MYOM2: variants seen among roughly 807,000 people sequenced by gnomAD.
The protein encoded by MYOM2 is myomesin 2, also known as myomesin-2.
In MYOM2, 254 loss-of-function variants were observed where a neutral mutation model predicts 187.6. The observed-to-expected ratio is 1.35, with a 90% confidence interval of 1.22 to 1.50. MYOM2 has a LOEUF of 1.50. Among genes scored for constraint, MYOM2 ranks in the 40% most tolerant of loss-of-function variants. MYOM2 has a pLI of 0.00. For missense variants in MYOM2, 2,796 were observed against 1,924.0 expected (o/e 1.45, Z -8.48); for synonymous variants, 981 against 753.8 (o/e 1.30, Z -4.94).
At chr8:2,091,358 C>A (rs1796296326) in intron 15 of MYOM2, among the ~76,000 whole-genome samples, 1 of 152,264 alleles carries the variant, frequency 6.6e-6, no homozygotes, top group African/African-American at 2.4e-5. Flanking sequence ...ACTAGAGTTT[C>A]TTGCCCATCT....
At chr8:2,100,065 C>CT (rs376936967) in intron 19 of MYOM2, among the ~76,000 whole-genome samples, 1 of 64,502 alleles carries the variant, frequency 1.6e-5, no homozygotes, top group African/African-American at 4.4e-5. Flanking sequence ...TCCTTCCTTC[C>CT]TTCTTTCCTT....
chr8:2,127,427 C>T (rs1484587799), intron 31 of MYOM2, among the ~76,000 whole-genome samples: 3 of 152,228 alleles, frequency 2.0e-5, no homozygotes, highest in Non-Finnish European at 4.4e-5. Context: ...TTCCCTAGAC[C>T]TCATGCCCCT....
intron 6 of MYOM2, among the ~76,000 whole-genome samples, chr8:2,064,596 G>T (rs1007594386): frequency 2.0e-5 from 3 of 152,362 alleles, no homozygotes; most frequent in African/African-American, 7.2e-5. Flanking sequence ...TCCTGCCTCT[G>T]AGCACCAAGT....
chr8:2,103,752 T>G (rs931141973), intron 21 of MYOM2, among the ~76,000 whole-genome samples: 1 of 151,088 alleles, frequency 6.6e-6, no homozygotes, highest in Admixed American at 6.6e-5. Context: ...TATGGATAAA[T>G]GAGTGGGAGA....
intron 18 of MYOM2, chr8:2,097,229 T>C (rs1796526154): frequency 2.2e-6 from 1 of 444,970 alleles, no homozygotes; most frequent in Non-Finnish European, 3.0e-6. Flanking sequence ...GTTAATATTT[T>C]ATACACATAT....
chr8:2,122,385 A>G (rs753411162), intron 28 of MYOM2, among the ~76,000 whole-genome samples: 2 of 152,184 alleles, frequency 1.3e-5, no homozygotes, highest in African/African-American at 2.4e-5. Flanking sequence ...GCACTTGGGG[A>G]CAAGTGTTAG....
intron 19 of MYOM2, among the ~76,000 whole-genome samples, chr8:2,099,627 C>T (rs990342690): frequency 6.6e-6 from 1 of 152,064 alleles, no homozygotes; most frequent in East Asian, 1.9e-4. Context: ...TCTATGTTGC[C>T]CAGGCTGGTC....
rs1796059158 is a variant in MYOM2, at chr8:2,086,397, G to GATCTCTGGCACCCCACTGTCA, written c.1644+1007_1644+1008insATCTCTGGCACCCCACTGTCA. On this transcript the variant is annotated intron_variant, in intron 14 of 36. Coordinates refer to ENST00000262113, the MANE Select transcript of MYOM2 (RefSeq NM_003970.4). ...GATCTCTGCGTGGCCTCCCACTGTTGTGATCTCTGCGTGGCCTCCCACTGT... is the reference window on the plus strand; with the variant it reads ...GATCTCTGCGTGGCCTCCCACTGTTGATCTCTGGCACCCCACTGTCATGATCTCTGCGTGGCCTCCCACTGT... Among the ~76,000 whole-genome samples the GATCTCTGGCACCCCACTGTCA allele has an allele frequency of 2.9e-4, 20 of 69,856 alleles. 4 individuals are homozygous for GATCTCTGGCACCCCACTGTCA. Among genetic ancestry groups the GATCTCTGGCACCCCACTGTCA allele is most frequent in the Admixed American group, 8.1e-4 (6 of 7,414 alleles). The allele number at this position is 69,856 out of a possible 152,430, so 45.8% of individuals were successfully genotyped here. A position where few individuals can be genotyped will look rare whatever the true frequency, so the allele number is the denominator to read the frequency against.
In MYOM2 at chr8:2,069,706, C is replaced by CA. The variant is rs199693282; in HGVS notation, c.793+214dup. 5.8e-3 allele frequency among the ~76,000 whole-genome samples: 889 copies of CA among 152,082 alleles called. 7 individuals are homozygous for CA. Among genetic ancestry groups the CA allele is most frequent in the Middle Eastern group, 0.014 (4 of 292 alleles). On this transcript the variant is annotated intron_variant, in intron 8 of 36. Coordinates refer to ENST00000262113, the MANE Select transcript of MYOM2 (RefSeq NM_003970.4). Reference sequence around the variant, plus strand: ...ACACCTAAGGGTCAAATCTTTTTTACAAAAATCATTTCAGAGAGCTCCTCC... The same window carrying CA: ...ACACCTAAGGGTCAAATCTTTTTTACAAAAAATCATTTCAGAGAGCTCCTCC...
chr8:2,072,122 T>G (rs1819244483), intron 8 of MYOM2, among the ~76,000 whole-genome samples: 1 of 152,128 alleles, frequency 6.6e-6, no homozygotes, highest in Non-Finnish European at 1.5e-5. Context: ...GTGTCTGCTG[T>G]CAAAGATGCT....
chr8:2,144,976 C>T lies in MYOM2; in HGVS notation c.4393C>T (p.Gln1465Ter), dbSNP rs1434573489. The change falls in exon 37 of 37, where the codon CAG (glutamine) becomes TAG (stop). Residue 1465 changes from glutamine (Q) to a stop codon, truncating the protein, a stop_gained. Coordinates refer to ENST00000262113, the MANE Select transcript of MYOM2 (RefSeq NM_003970.4). LOFTEE classifies it high-confidence loss of function. ...CCCCGCGTCTGCCTCAGCGGCAGGC[C>T]AGTGAAGGCGTTTTCCTAGCCTGGA... ...LIPASASAAG[Q>*] 1.2e-6 allele frequency: 2 copies of T among 1,613,258 alleles called. No individual in the cohort carries two copies. Among genetic ancestry groups the T allele is most frequent in the Non-Finnish European group, 1.7e-6 (2 of 1,179,808 alleles).
At chr8:2,063,650 TTTTGA>T (rs1341278603) in intron 6 of MYOM2, among the ~76,000 whole-genome samples, 2 of 152,240 alleles carry the variant, frequency 1.3e-5, no homozygotes, top group Non-Finnish European at 2.9e-5. Flanking sequence ...GATGTTTAAA[TTTTGA>T]TTTAATTAAA....
intron 6 of MYOM2, among the ~76,000 whole-genome samples, chr8:2,063,914 G>A (rs1020515514): frequency 6.6e-6 from 1 of 152,244 alleles, no homozygotes; most frequent in African/African-American, 2.4e-5. Flanking sequence ...GTCAGAACAG[G>A]AAATAAAACC....
rs765264990 is a variant in MYOM2 at position 2,052,196 on chromosome 8, G to A, written c.146G>A (p.Ser49Asn). ...CAGGCATCTTCCCAGAAGTCCTTGAGTCAGCGGTCGTCTTCACAGAGAGCC... is the reference window on the plus strand; with the variant it reads ...CAGGCATCTTCCCAGAAGTCCTTGAATCAGCGGTCGTCTTCACAGAGAGCC... ...STQASSQKSL[S>N]QRSSSQRASS... The change falls in exon 3 of 37, where the codon AGT (serine) becomes AAT (asparagine). Residue 49 changes from serine (S) to asparagine (N), a missense_variant. Ser to Asn is a conservative substitution (Grantham distance 46). Coordinates refer to ENST00000262113, the MANE Select transcript of MYOM2 (RefSeq NM_003970.4). The A allele has an allele frequency of 7.4e-6, 12 of 1,613,408 alleles. No homozygotes were observed. The highest frequency in any genetic ancestry group is 2.7e-5 in the African/African-American group (2 of 74,938).
At chr8:2,116,459 G>A (rs1797248503) in intron 27 of MYOM2, among the ~76,000 whole-genome samples, 184 bp downstream of exon 27, 1 of 152,152 alleles carries the variant, frequency 6.6e-6, no homozygotes, top group Non-Finnish European at 1.5e-5. Flanking sequence ...GAGTGAAGAG[G>A]AAAGCGTGCC....
At chr8:2,103,626 ATGAG>A (rs1192115054) in intron 21 of MYOM2, among the ~76,000 whole-genome samples, 5 of 151,122 alleles carry the variant, frequency 3.3e-5, no homozygotes, top group African/African-American at 9.8e-5. Context: ...GTATGGATAA[ATGAG>A]TGGGAGAGCG....
At chr8:2,077,054 G>C (rs1361489072) in intron 11 of MYOM2, among the ~76,000 whole-genome samples, 2 of 152,244 alleles carry the variant, frequency 1.3e-5, no homozygotes, top group Non-Finnish European at 2.9e-5. Flanking sequence ...GCTCACGCCT[G>C]TAATCCCAGC....
intron 34 of MYOM2, among the ~76,000 whole-genome samples, chr8:2,141,860 C>T (rs1798283309): frequency 6.6e-6 from 1 of 152,298 alleles, no homozygotes; most frequent in South Asian, 2.1e-4. Flanking sequence ...CAGTCATCAT[C>T]AGGGCAGCAC....
chr8:2,116,128 C>CAA (rs746733926), intron 26 of MYOM2, 24 bp downstream of exon 26: 12 of 1,607,834 alleles, frequency 7.5e-6, no homozygotes, highest in African/African-American at 1.3e-5. Flanking sequence ...AATATTTCCA[C>CAA]GTCCATACAA....
Sources: allele counts gnomAD v4.1 joint callset (sites outside exome capture counted in the v4.1 genomes callset), GRCh38; gene constraint gnomAD v4.1.1; transcripts MANE v1.5; gene names NCBI Gene and HGNC (gene_info 2026-07-23, HGNC 2026-07-21).